Variants in ATAD2B observed in about 807,000 individuals in gnomAD.
ATAD2B encodes ATPase family AAA domain-containing protein 2B.
In ATAD2B, 40 loss-of-function variants were observed where a neutral mutation model predicts 167.6. The observed-to-expected ratio is 0.24, with a 90% CI of 0.19 to 0.31. The LOEUF is 0.31. Ranked by LOEUF, ATAD2B falls within the 10% of genes least tolerant of loss-of-function variation. ATAD2B has a pLI of 1.00. For missense variants in ATAD2B, 1,242 were observed against 1,757.2 expected (o/e 0.71, Z 5.24); for synonymous variants, 579 against 596.5 (o/e 0.97, Z 0.43).
rs777386586 is a variant in ATAD2B at position 23,757,932 on chromosome 2, A to G, written c.3564T>C (p.Thr1188=). Residue 1188 remains threonine (T), a synonymous_variant, in exon 25 of 28, where the codon ACT becomes ACC. Coordinates refer to ENST00000238789, the MANE Select transcript of ATAD2B (RefSeq NM_017552.4). ...LLENGEFEVS[T]DCHEENGEET... is the part of the protein sequence containing the mutation. ...CTTCTCCATTTTCCTCATGGCAGTC[A>G]GTGCTTACCTCAAACTCTCCATTCT... 2 of 1,612,368 alleles carry G rather than the reference A, an allele frequency of 1.2e-6. No individual in the cohort carries two copies. The highest frequency in any genetic ancestry group is 8.5e-7 in the Non-Finnish European group (1 of 1,179,460).
intron 1 of ATAD2B, among the ~76,000 whole-genome samples, chr2:23,914,145 C>T (rs1402734581): frequency 6.6e-6 from 1 of 151,894 alleles, no homozygotes; most frequent in Non-Finnish European, 1.5e-5. Context: ...AACAGACCAA[C>T]AGAAAAGAAC....
chr2:23,698,227 C>CA, the ATAD2B span, among the ~76,000 whole-genome samples: 1 of 152,034 alleles, frequency 6.6e-6, no homozygotes, highest in East Asian at 2.0e-4. Flanking sequence ...AGATGAAGGA[C>CA]AAAAGGGTGC....
chr2:23,818,291 G>GACGGAGGGAGTGAGGGAAGAAGAGAGGGA (rs1558592102), intron 17 of ATAD2B, among the ~76,000 whole-genome samples: 1 of 115,438 alleles, frequency 8.7e-6, no homozygotes, highest in Non-Finnish European at 2.0e-5. Flanking sequence ...AAGAGAGGGA[G>GACGGAGGGAGTGAGGGAAGAAGAGAGGGA]GGGGGAGAGA....
the ATAD2B span, among the ~76,000 whole-genome samples, chr2:23,720,545 C>T: frequency 7.0e-6 from 1 of 143,308 alleles, no homozygotes; most frequent in Non-Finnish European, 1.5e-5. Context: ...CGCCACTGCA[C>T]TCCAGCCTGG....
chr2:23,861,957 T>C lies in ATAD2B; in HGVS notation c.1479+1424A>G, dbSNP rs374192791. ...GGCTCATGCCTATAATCCCAACACT[T>C]TGGGAGGCCAAGGCGGGAGGATAGC... On this transcript the variant is annotated intron_variant, in intron 12 of 27. Transcript: ENST00000238789. Among the ~76,000 whole-genome samples the C allele has an allele frequency of 3.1e-4, 47 of 152,256 alleles. No homozygotes were observed. In the East Asian group the frequency reaches 8.3e-3, roughly 27 times the overall value.
chr2:23,797,087 T>G (rs1358207171), intron 19 of ATAD2B, among the ~76,000 whole-genome samples: 1 of 152,140 alleles, frequency 6.6e-6, no homozygotes, highest in African/African-American at 2.4e-5. Flanking sequence ...AAATCTATTT[T>G]AGCAAGATAA....
chr2:23,825,109 A>ATTTTTTT (rs70941593), intron 15 of ATAD2B, among the ~76,000 whole-genome samples: 2 of 111,524 alleles, frequency 1.8e-5, no homozygotes, highest in East Asian at 2.6e-4. Flanking sequence ...CATCAGGCTA[A>ATTTTTTT]TTTTTTTTTT....
the ATAD2B span, among the ~76,000 whole-genome samples, chr2:23,678,190 G>T: frequency 6.6e-6 from 1 of 152,174 alleles, no homozygotes; most frequent in African/African-American, 2.4e-5. Context: ...TCTGTTTGTG[G>T]CTTCACTCTC....
chr2:23,678,087 C>T, the ATAD2B span, among the ~76,000 whole-genome samples: 1 of 152,192 alleles, frequency 6.6e-6, no homozygotes, highest in Non-Finnish European at 1.5e-5. Context: ...TATAGGCCAG[C>T]CAGAACGAGC....
At chr2:23,809,256 G>A (rs1436407521) in intron 18 of ATAD2B, 2 of 152,096 alleles carry the variant, frequency 1.3e-5, no homozygotes, top group East Asian at 3.8e-4. Context: ...GTGTCAAACT[G>A]GGAGCAAAAT....
chr2:23,924,663 T>C (rs1342260414), intron 1 of ATAD2B, among the ~76,000 whole-genome samples: 2 of 152,288 alleles, frequency 1.3e-5, no homozygotes, highest in East Asian at 3.9e-4. Context: ...AAAACAAATA[T>C]TTCAAAGTAA....
At position 23,786,042 on chromosome 2, in the gene ATAD2B, C is replaced by T. The variant is rs1222422426; in HGVS notation, c.2958G>A (p.Pro986=). ...GAAACAAGACCTCTTCAATATCCAC[C>T]GGTTTGCTGAAGATGTTAAAGCGTT... ...TDKRFNIFSK[P]VDIEEVSDYL... Residue 986 remains proline (P), a synonymous_variant, in exon 21 of 28, where the codon CCG becomes CCA. Coordinates refer to ENST00000238789, the MANE Select transcript of ATAD2B (RefSeq NM_017552.4). 2.5e-6 allele frequency: 4 copies of T among 1,611,400 alleles called. No individual in the cohort carries two copies. The highest frequency in any genetic ancestry group is 2.2e-5 in the East Asian group (1 of 44,818).
the ATAD2B span, among the ~76,000 whole-genome samples, chr2:23,729,143 CCAA>C: frequency 2.0e-5 from 3 of 152,182 alleles, no homozygotes; most frequent in Non-Finnish European, 4.4e-5. Flanking sequence ...GGTCCCTCCT[CCAA>C]CATTGGGGAT....
intron 21 of ATAD2B, 130 bp from the exon 22 acceptor site, chr2:23,783,158 A>T: frequency 4.2e-6 from 2 of 481,042 alleles, no homozygotes; most frequent in Non-Finnish European, 6.9e-6. Context: ...ATAAAGATAA[A>T]ATTGCAGCGC....
chr2:23,706,714 G>C, the ATAD2B span: 1 of 1,350,420 alleles, frequency 7.4e-7, no homozygotes, highest in Non-Finnish European at 9.7e-7. Flanking sequence ...GGTGAGGCAA[G>C]TGCCACGCAA....
At chr2:23,908,362 T>A (rs1255568588) in intron 1 of ATAD2B, among the ~76,000 whole-genome samples, 1 of 152,330 alleles carries the variant, frequency 6.6e-6, no homozygotes, top group South Asian at 2.1e-4. Flanking sequence ...AAGACATTTA[T>A]GCAGCCAAAA....
At chr2:23,714,218 T>C in the ATAD2B span, among the ~76,000 whole-genome samples, 1 of 151,964 alleles carries the variant, frequency 6.6e-6, no homozygotes, top group East Asian at 1.9e-4. Context: ...AAGCAAATTC[T>C]AATTTAGAAT....
chr2:23,786,849 C>T (rs1337098978), intron 20 of ATAD2B, among the ~76,000 whole-genome samples: 1 of 152,044 alleles, frequency 6.6e-6, no homozygotes, highest in Non-Finnish European at 1.5e-5. Flanking sequence ...GTATTACACA[C>T]TGATTTTCTT....
At chr2:23,773,679 T>A (rs1457574054) in intron 22 of ATAD2B, among the ~76,000 whole-genome samples, 1 of 152,228 alleles carries the variant, frequency 6.6e-6, no homozygotes, top group Non-Finnish European at 1.5e-5. Context: ...TGTCTCATAC[T>A]TTAAGATTTT....
Sources: gnomAD v4.1 joint callset for allele counts (sites outside exome capture counted in the v4.1 genomes callset) on GRCh38, gnomAD v4.1.1 for gene constraint, MANE v1.5 for transcripts, NCBI Gene and HGNC (gene_info 2026-07-23, HGNC 2026-07-21) for gene names.